SERPINI1: variants seen among roughly 807,000 people sequenced by gnomAD.
The protein encoded by SERPINI1 is serpin family I member 1.
A neutral mutation model predicts 41.1 loss-of-function variants in SERPINI1; 19 were observed. The ratio of observed to expected loss-of-function variants is 0.46; its 90% CI spans 0.32 to 0.68. The LOEUF is 0.68. Among genes scored for constraint, SERPINI1 ranks in the 30% least tolerant of loss-of-function variants. The pLI is 0.03. For missense variants in SERPINI1, 460 were observed against 479.2 expected, an observed-to-expected ratio of 0.96 and a Z score of 0.37; for synonymous variants, 138 against 156.6, an observed-to-expected ratio of 0.88 and a Z score of 0.89.
At chr3:167,754,175 G>T (rs1171595603) in intron 1 of SERPINI1, among the ~76,000 whole-genome samples, 1 of 152,082 alleles carries the variant, frequency 6.6e-6, no homozygotes, top group African/African-American at 2.4e-5. Flanking sequence ...GGTTAATTAG[G>T]CATGAAATCC....
intron 4 of SERPINI1, among the ~76,000 whole-genome samples, 180 bp downstream of exon 4, chr3:167,792,964 G>A (rs182990298): frequency 3.3e-5 from 5 of 152,064 alleles, no homozygotes; most frequent in Non-Finnish European, 5.9e-5. Context: ...ATTCATTGAT[G>A]GTTTCCAGAG....
chr3:167,748,208 A>G (rs1009727654), intron 1 of SERPINI1, among the ~76,000 whole-genome samples: 8 of 152,146 alleles, frequency 5.3e-5, no homozygotes, highest in African/African-American at 1.9e-4. Context: ...ATCATACTGG[A>G]TAGAAAAAAA....
chr3:167,785,052 C>A (rs2108553824), intron 1 of SERPINI1, among the ~76,000 whole-genome samples: 1 of 152,196 alleles, frequency 6.6e-6, no homozygotes, highest in Non-Finnish European at 1.5e-5. Flanking sequence ...ACCATCCTGG[C>A]CAACATGGTG....
intron 2 of SERPINI1, 122 bp from the exon 3 acceptor site, chr3:167,790,250 G>A (rs62279575): frequency 4.2e-6 from 3 of 719,614 alleles, no homozygotes; most frequent in Middle Eastern, 3.8e-4. Context: ...GGAAAGCCTG[G>A]CACTTTTCCC....
At chr3:167,743,329 T>C (rs1309764291) in intron 1 of SERPINI1, among the ~76,000 whole-genome samples, 1 of 152,178 alleles carries the variant, frequency 6.6e-6, no homozygotes, top group Non-Finnish European at 1.5e-5. Flanking sequence ...TTATGACTCA[T>C]TCATACAGTG....
chr3:167,822,376 G>GA, intron 6 of SERPINI1, among the ~76,000 whole-genome samples: 1 of 152,258 alleles, frequency 6.6e-6, no homozygotes, highest in South Asian at 2.1e-4. Context: ...AATAGGAAGG[G>GA]AAAAACAGTC....
At chr3:167,816,847 CT>C (rs1712109548) in intron 6 of SERPINI1, among the ~76,000 whole-genome samples, 1 of 152,002 alleles carries the variant, frequency 6.6e-6, no homozygotes, top group African/African-American at 2.4e-5. Flanking sequence ...GTTGAGGGAG[CT>C]TCTAGGGAAA....
intron 3 of SERPINI1, among the ~76,000 whole-genome samples, chr3:167,792,099 T>G (rs998707454): frequency 1.3e-5 from 2 of 152,062 alleles, no homozygotes; most frequent in African/African-American, 4.8e-5. Context: ...CACTCCAGCC[T>G]AGGTGACACA....
chr3:167,792,996 A>G (rs1325919555), intron 4 of SERPINI1, among the ~76,000 whole-genome samples: 2 of 152,142 alleles, frequency 1.3e-5, no homozygotes, highest in Admixed American at 6.6e-5. Flanking sequence ...TTATAAGTCA[A>G]CCACACCTGC....
chr3:167,747,503 G>T (rs1725894820), intron 1 of SERPINI1, among the ~76,000 whole-genome samples: 1 of 152,126 alleles, frequency 6.6e-6, no homozygotes, highest in Non-Finnish European at 1.5e-5. Context: ...AATTAGCTGG[G>T]CGTGGCAGCG....
chr3:167,801,967 T>C (rs959288787), intron 5 of SERPINI1, among the ~76,000 whole-genome samples: 1 of 152,016 alleles, frequency 6.6e-6, no homozygotes. Context: ...TCAGAAATAA[T>C]GCCGCATATC....
chr3:167,772,885 TATATATATACACAC>T (rs1298357404), intron 1 of SERPINI1, among the ~76,000 whole-genome samples: 12 of 74,206 alleles, frequency 1.6e-4, no homozygotes, highest in African/African-American at 2.5e-4. Flanking sequence ...TATATATATA[TATATATATACACAC>T]ACACACACAC....
intron 4 of SERPINI1, among the ~76,000 whole-genome samples, chr3:167,794,048 G>T (rs1000720143): frequency 4.6e-5 from 7 of 152,160 alleles, no homozygotes; most frequent in African/African-American, 1.7e-4. Context: ...AAAGTGCCAG[G>T]TATTAAATGG....
At position 167,782,076 on chromosome 3, in the gene SERPINI1, A is replaced by G. The variant is rs976719823; in HGVS notation, c.-18-7035A>G. Among the ~76,000 whole-genome samples the G allele has an allele frequency of 4.6e-5, 7 of 152,206 alleles. 1 individual carries two copies. Among genetic ancestry groups the G allele is most frequent in the African/African-American group, 1.2e-4 (5 of 41,458 alleles). On this transcript the variant is annotated intron_variant, in intron 1 of 8. Coordinates refer to ENST00000446050, the MANE Select transcript of SERPINI1 (RefSeq NM_001122752.2). Reference sequence around the variant, plus strand: ...CTTTTCTACTACCATAGCACTGTCTATTACTATTCTGGTACTGCAGCCTCT... The same window carrying G: ...CTTTTCTACTACCATAGCACTGTCTGTTACTATTCTGGTACTGCAGCCTCT...
chr3:167,806,936 A>T (rs1265094833), intron 5 of SERPINI1, among the ~76,000 whole-genome samples: 2 of 152,144 alleles, frequency 1.3e-5, no homozygotes, highest in African/African-American at 4.8e-5. Context: ...CAATACTATG[A>T]TACTAAGTAA....
intron 1 of SERPINI1, among the ~76,000 whole-genome samples, chr3:167,758,154 T>C (rs1218282098): frequency 1.3e-5 from 2 of 151,994 alleles, no homozygotes; most frequent in African/African-American, 4.8e-5. Flanking sequence ...GGTGTGTGGA[T>C]CCGGTGCCCT....
chr3:167,789,500 G>C lies in SERPINI1; in HGVS notation c.250+122G>C. The C allele has an allele frequency of 3.4e-6, 4 of 1,181,328 alleles. No homozygotes were observed. The Admixed American group carries it at 5.5e-5, about 16-fold the overall frequency. 73.2% of individuals were successfully genotyped at this position (1,181,328 alleles called of 1,614,324 possible). A position where few individuals can be genotyped will look rare whatever the true frequency, so the allele number is the denominator to read the frequency against. On this transcript the variant is annotated intron_variant, in intron 2 of 8. Transcript: ENST00000446050. ...GGTAAAAAACAATCTCATTGAAATGGTATGGCTAGAAGGATTAGGAAACCC... is the reference window on the plus strand; with the variant it reads ...GGTAAAAAACAATCTCATTGAAATGCTATGGCTAGAAGGATTAGGAAACCC...
intron 1 of SERPINI1, among the ~76,000 whole-genome samples, chr3:167,757,246 G>T (rs1297349636): frequency 1.3e-5 from 2 of 152,162 alleles, no homozygotes; most frequent in African/African-American, 4.8e-5. Flanking sequence ...AAACTGCAAG[G>T]TCACTGAAGG....
At chr3:167,744,786 G>A (rs1274562037) in intron 1 of SERPINI1, among the ~76,000 whole-genome samples, 33 of 83,254 alleles carry the variant, frequency 4.0e-4, no homozygotes, top group South Asian at 1.0e-3. Context: ...ATATAACTAT[G>A]GTTATATATA....
Sources: allele counts gnomAD v4.1 joint callset (sites outside exome capture counted in the v4.1 genomes callset), GRCh38; gene constraint gnomAD v4.1.1; transcripts MANE v1.5; gene names NCBI Gene and HGNC (gene_info 2026-07-23, HGNC 2026-07-21).